The following ANPEP variants were observed in gnomAD, a reference collection of about 807,000 sequenced individuals.
ANPEP encodes aminopeptidase N.
ANPEP carries 70 observed loss-of-function variants against 114.6 expected under a neutral mutation model. That is an observed-to-expected ratio of 0.61 (90% CI 0.50 to 0.75). ANPEP has a LOEUF of 0.75. Ranked by LOEUF, ANPEP falls within the 30% of genes least tolerant of loss-of-function variation. The pLI is 0.00. For missense variants in ANPEP, 1,184 were observed against 1,259.5 expected, an observed-to-expected ratio of 0.94 and a Z score of 0.91; for synonymous variants, 548 against 522.3, an observed-to-expected ratio of 1.05 and a Z score of -0.67.
In ANPEP at chr15:89,803,277, T is replaced by G. The variant is rs1894631869; in HGVS notation, c.1531A>C (p.Asn511His). Residue 511 changes from asparagine to histidine, a missense_variant, in exon 10 of 21, where the codon AAC becomes CAC. Asn to His is a moderately conservative substitution (Grantham distance 68). Coordinates refer to ENST00000300060, the MANE Select transcript of ANPEP (RefSeq NM_001150.3). The surrounding 1 kb of genome is among the most constrained non-coding windows in gnomAD (Gnocchi z 4.2). ...ASYLHTFAYQ[N>H]TIYLNLWDHL... ...TCCCACAGGTTCAGGTAGATGGTGTTCTGGTAGGCAAAGGTGTGGAGGTAG... is the reference window on the plus strand; with the variant it reads ...TCCCACAGGTTCAGGTAGATGGTGTGCTGGTAGGCAAAGGTGTGGAGGTAG... 1.2e-6 allele frequency: 2 copies of G among 1,614,066 alleles called. No homozygotes were observed. The highest frequency in any genetic ancestry group is 8.5e-7 in the Non-Finnish European group (1 of 1,179,972).
In ANPEP at chr15:89,805,803, G is replaced by C. The variant is rs556731910; in HGVS notation, c.614+167C>G. On this transcript the variant is annotated intron_variant, in intron 2 of 20. Transcript: ENST00000300060. Reference sequence around the variant, plus strand: ...AGGGGTGGGGAAGCCCTCCCAGTTCGGTGCATTTGCAGCTGCTTTGCCAGC... The same window carrying C: ...AGGGGTGGGGAAGCCCTCCCAGTTCCGTGCATTTGCAGCTGCTTTGCCAGC... Among the ~76,000 whole-genome samples the C allele has an allele frequency of 2.0e-5, 3 of 152,234 alleles. No individual in the cohort carries two copies. In the East Asian group the frequency reaches 5.8e-4, roughly 29 times the overall value.
At chr15:89,790,650 G>T in intron 19 of ANPEP, 109 bp from the exon 20 acceptor site, 3 of 1,008,432 alleles carry the variant, frequency 3.0e-6, no homozygotes, top group East Asian at 2.6e-5. Context: ...GAAATGACAC[G>T]CCCTGGGAGA....
At chr15:89,790,655 G>A in intron 19 of ANPEP, 114 bp from the exon 20 acceptor site, 1 of 967,210 alleles carries the variant, frequency 1.0e-6, no homozygotes, top group Non-Finnish European at 1.6e-6. Context: ...GACACGCCCT[G>A]GGAGACCCCA....
chr15:89,810,532 C>T (rs1474346358), intron 1 of ANPEP, among the ~76,000 whole-genome samples: 4 of 151,828 alleles, frequency 2.6e-5, no homozygotes, highest in East Asian at 3.9e-4. Context: ...GATCGTGCCA[C>T]TACACTCCAG....
Position 89,804,333 on chromosome 15 carries a change from G to A in ANPEP, c.1099C>T (p.Leu367=), listed in dbSNP as rs1408689700. Residue 367 remains leucine (L), a synonymous_variant, in exon 6 of 21, where the codon CTG becomes TTG. Transcript: ENST00000300060. ...WGLVTYRENS[L]LFDPLSSSSS... is the part of the protein sequence containing the mutation. ...GAGGAGGACAGGGGGTCGAACAGCA[G>A]GGAGTTCTCCCGGTAGGTCACCAGT... is the stretch of plus-strand genomic sequence containing the variant. 1 of 1,614,082 alleles carries A rather than the reference G, an allele frequency of 6.2e-7. No homozygotes were observed. The highest frequency in any genetic ancestry group is 1.3e-5 in the African/African-American group (1 of 74,942).
rs896710613 is a variant in ANPEP, at chr15:89,804,375, C to T, written c.1057G>A (p.Ala353Thr). The change falls in exon 6 of 21, where the codon GCC becomes ACC. Residue 353 changes from alanine (A) to threonine (T), a missense_variant. Coordinates refer to ENST00000300060, the MANE Select transcript of ANPEP (RefSeq NM_001150.3). ...QIGLPDFNAG[A>T]MENWGLVTYR... ...GTCACCAGTCCCCAGTTCTCCATGGCGCCGGCGTTGAAGTCTGGCAGGCCA... is the reference window on the plus strand; with the variant it reads ...GTCACCAGTCCCCAGTTCTCCATGGTGCCGGCGTTGAAGTCTGGCAGGCCA... 10 of 1,614,096 alleles carry T rather than the reference C, an allele frequency of 6.2e-6. No individual in the cohort carries two copies. Among genetic ancestry groups the T allele is most frequent in the Non-Finnish European group, 8.5e-6 (10 of 1,180,048 alleles).
chr15:89,793,328 T>C (rs1275465741), intron 15 of ANPEP: 8 of 502,428 alleles, frequency 1.6e-5, no homozygotes, highest in Non-Finnish European at 2.8e-5. Flanking sequence ...CTTAAAGCCT[T>C]AGTCAGTTGC....
At position 89,806,544 on chromosome 15, in the gene ANPEP, G is replaced by C; in HGVS notation, c.40C>G (p.Leu14Val). 1 of 1,611,576 alleles carries C rather than the reference G, an allele frequency of 6.2e-7. No homozygotes were observed. Among genetic ancestry groups the C allele is most frequent in the Non-Finnish European group, 8.5e-7 (1 of 1,178,122 alleles). Residue 14 changes from leucine to valine, a missense_variant, in exon 2 of 21, where the codon CTG becomes GTG. Transcript: ENST00000300060. The surrounding 1 kb of genome is among the most constrained non-coding windows in gnomAD (Gnocchi z 5.7). ...GFYISKSLGI[L>V]GILLGVAAVC... The stretch of plus-strand genomic sequence containing the variant: ...GCTGCCACGCCCAGGAGGATCCCCA[G>C]GATGCCCAGGGACTTGGAAATATAG...
chr15:89,789,033 G>A (rs1445305909), intron 20 of ANPEP, among the ~76,000 whole-genome samples: 2 of 151,516 alleles, frequency 1.3e-5, no homozygotes, highest in Admixed American at 6.6e-5. Flanking sequence ...AAGCTGGAGT[G>A]CAGTGGCACA....
chr15:89,805,147 G>A lies in ANPEP; in HGVS notation c.828C>T (p.Ser276=), dbSNP rs1320296234. 1 of 1,614,114 alleles carries A rather than the reference G, an allele frequency of 6.2e-7. No homozygotes were observed. The highest frequency in any genetic ancestry group is 8.5e-7 in the Non-Finnish European group (1 of 1,180,046). Residue 276 remains serine, a synonymous_variant, in exon 4 of 21, where the codon TCC becomes TCT. Transcript: ENST00000300060. Reference sequence around the variant, plus strand: ...TGACAATGAAGGCCAGCAAGTACGTGGACATCTTGGGCGTGGTGTGGAACT... The same window carrying A: ...TGACAATGAAGGCCAGCAAGTACGTAGACATCTTGGGCGTGGTGTGGAACT... ...VTEFHTTPKM[S]TYLLAFIVSE... is the part of the protein sequence containing the mutation.
chr15:89,811,430 A>C (rs916127696), intron 1 of ANPEP, among the ~76,000 whole-genome samples: 5 of 151,880 alleles, frequency 3.3e-5, no homozygotes, highest in African/African-American at 1.2e-4. Flanking sequence ...ACGGATCACG[A>C]GGTCAGCAGA....
At chr15:89,794,070 G>A (rs1032107763) in intron 15 of ANPEP, among the ~76,000 whole-genome samples, 8 of 152,182 alleles carry the variant, frequency 5.3e-5, no homozygotes, top group African/African-American at 1.7e-4. Context: ...ATATAGTTTA[G>A]GCAGCTGGGA....
intron 1 of ANPEP, among the ~76,000 whole-genome samples, chr15:89,808,224 T>G (rs1199705907): frequency 6.6e-6 from 1 of 152,198 alleles, no homozygotes; most frequent in Admixed American, 6.5e-5. Context: ...TCCCTCTGCC[T>G]GGATCTTCTC....
At chr15:89,807,258 G>T (rs778378102) in intron 1 of ANPEP, among the ~76,000 whole-genome samples, 1 of 152,178 alleles carries the variant, frequency 6.6e-6, no homozygotes, top group African/African-American at 2.4e-5. Context: ...TTTGCTGAAG[G>T]CTTCACCTCT....
At position 89,805,352 on chromosome 15, in the gene ANPEP, G is replaced by T; in HGVS notation, c.726C>A (p.Asp242Glu). ...GAAGCATGTTGGACAGGGCTGTCAGGTCCTTGGGGTGGATAAGCGTGATGT... is the reference window on the plus strand; with the variant it reads ...GAAGCATGTTGGACAGGGCTGTCAGTTCCTTGGGGTGGATAAGCGTGATGT... ...EFNITLIHPK[D>E]LTALSNMLPK... The change falls in exon 3 of 21, where the codon GAC (aspartate) becomes GAA (glutamate). Residue 242 changes from aspartate to glutamate, a missense_variant. Physicochemically the swap from Asp to Glu is conservative, Grantham distance 45. Coordinates refer to ENST00000300060, the MANE Select transcript of ANPEP (RefSeq NM_001150.3). 1 of 1,614,164 alleles carries T rather than the reference G, an allele frequency of 6.2e-7. No individual in the cohort carries two copies. Among genetic ancestry groups the T allele is most frequent in the Non-Finnish European group, 8.5e-7 (1 of 1,180,004 alleles).
In ANPEP at chr15:89,801,536, C is replaced by T; in HGVS notation, c.1641G>A (p.Met547Ile). ...RDIMNRWTLQMGFPVITVDTS... is the reference protein window; with the variant it reads ...RDIMNRWTLQIGFPVITVDTS... The stretch of plus-strand genomic sequence containing the variant: ...TATCCACCGTGATGACCGGGAAGCC[C>T]ATCTGCAGGGTCCAGCGGTTCATGA... The change falls in exon 11 of 21, where the codon ATG becomes ATA. Residue 547 changes from methionine (M) to isoleucine (I), a missense_variant. Transcript: ENST00000300060. 1 of 1,614,196 alleles carries T rather than the reference C, an allele frequency of 6.2e-7. No individual in the cohort carries two copies. The highest frequency in any genetic ancestry group is 8.5e-7 in the Non-Finnish European group (1 of 1,180,032).
chr15:89,812,236 C>T (rs1463604517), intron 1 of ANPEP, among the ~76,000 whole-genome samples: 4 of 152,234 alleles, frequency 2.6e-5, no homozygotes, highest in Non-Finnish European at 5.9e-5. Context: ...TGGGTAGGCC[C>T]CACCCACTCC....
chr15:89,811,710 T>A (rs1894819897), intron 1 of ANPEP, among the ~76,000 whole-genome samples: 1 of 151,230 alleles, frequency 6.6e-6, no homozygotes, highest in Admixed American at 6.6e-5. Flanking sequence ...CCTAAAAGGA[T>A]CCTGTCCAGT....
At chr15:89,786,566 G>A (rs1968511233) in intron 20 of ANPEP, among the ~76,000 whole-genome samples, 1 of 151,980 alleles carries the variant, frequency 6.6e-6, no homozygotes, top group Admixed American at 6.6e-5. Context: ...GGTGGCATGT[G>A]CCTATAGTCC....
Sources: allele counts gnomAD v4.1 joint callset (sites outside exome capture counted in the v4.1 genomes callset), GRCh38; gene constraint gnomAD v4.1.1; non-coding constraint Gnocchi (gnomAD v3.1); transcripts MANE v1.5; gene names NCBI Gene and HGNC (gene_info 2026-07-23, HGNC 2026-07-21).